The following WDHD1 variants were observed in gnomAD, a reference collection of about 807,000 sequenced individuals.
WDHD1 encodes WD repeat and HMG-box DNA-binding protein 1.
Under a neutral mutation model 135.4 loss-of-function variants are expected in WDHD1, and 111 were observed. The ratio of observed to expected loss-of-function variants is 0.82; its 90% CI spans 0.70 to 0.96. WDHD1 has a LOEUF of 0.96. Among genes scored for constraint, WDHD1 ranks in the 40% least tolerant of loss-of-function variants. The pLI, the probability that WDHD1 is intolerant of heterozygous loss-of-function variation, is 0.00. For synonymous variants in WDHD1, 434 were observed against 439.0 expected (o/e 0.99, Z 0.14); for missense variants, 1,351 against 1,336.3 (o/e 1.01, Z -0.17).
At chr14:54,969,450 A>G (rs2041397630) in intron 16 of WDHD1, among the ~76,000 whole-genome samples, 2 of 152,200 alleles carry the variant, frequency 1.3e-5, no homozygotes, top group Non-Finnish European at 1.5e-5. Context: ...ACTTCTGCAC[A>G]GCAAAGAAAA....
At chr14:54,945,999 A>C (rs2040918412) in intron 24 of WDHD1, among the ~76,000 whole-genome samples, 1 of 150,028 alleles carries the variant, frequency 6.7e-6, no homozygotes, top group African/African-American at 2.5e-5. Context: ...AAAATATGCA[A>C]ATTTTAAGTA....
intron 12 of WDHD1, among the ~76,000 whole-genome samples, chr14:54,989,773 C>T (rs529882276): frequency 6.6e-6 from 1 of 152,158 alleles, no homozygotes; most frequent in South Asian, 2.1e-4. Flanking sequence ...GATTCTCCTC[C>T]CTCAGCCTCC....
At chr14:54,970,541 C>T (rs1446335237) in intron 16 of WDHD1, among the ~76,000 whole-genome samples, 4 of 150,730 alleles carry the variant, frequency 2.7e-5, no homozygotes, top group Non-Finnish European at 5.9e-5. Flanking sequence ...ATTCCACACT[C>T]ATGGATTAGA....
At position 54,957,075 on chromosome 14, in the gene WDHD1, G is replaced by A. The variant is rs754891618; in HGVS notation, c.2875C>T (p.Pro959Ser). 3.1e-6 allele frequency: 5 copies of A among 1,613,954 alleles called. No homozygotes were observed. In the Admixed American group the frequency reaches 6.7e-5, roughly 22 times the overall value. ...LSRTTNNEKS[P>S]IIKPLIPKPK... ...TTTGGAATCAGAGGCTTTATAATGG[G>A]AGACTTTTCATTATTTGTAGTTCGA... is the stretch of plus-strand genomic sequence containing the variant. Residue 959 changes from proline (P) to serine (S), a missense_variant, in exon 23 of 26, where the codon CCC becomes TCC. By Grantham distance (74) the Pro-to-Ser change is moderately conservative (BLOSUM62 -1). Coordinates refer to ENST00000360586, the MANE Select transcript of WDHD1 (RefSeq NM_007086.4).
chr14:55,025,211 T>C lies in WDHD1; in HGVS notation c.77+1500A>G, dbSNP rs188135338. Reference sequence around the variant, plus strand: ...TATCTAAAAGCACAGCGCTTAATCCTTTACATTGTCTATGATGCAAAGACC... The same window carrying C: ...TATCTAAAAGCACAGCGCTTAATCCCTTACATTGTCTATGATGCAAAGACC... On this transcript the variant is annotated intron_variant, in intron 2 of 25. Transcript: ENST00000360586. 8.1e-4 allele frequency among the ~76,000 whole-genome samples: 120 copies of C among 147,594 alleles called. 1 individual carries two copies. The East Asian group carries it at 0.021, about 25-fold the overall frequency.
intron 16 of WDHD1, among the ~76,000 whole-genome samples, chr14:54,975,922 G>T (rs1164534713): frequency 6.6e-6 from 1 of 152,080 alleles, no homozygotes; most frequent in Non-Finnish European, 1.5e-5. Context: ...CACTGAGTTG[G>T]GTTAGAAAAT....
At chr14:55,002,671 T>A (rs2041996787) in intron 7 of WDHD1, among the ~76,000 whole-genome samples, 1 of 152,110 alleles carries the variant, frequency 6.6e-6, no homozygotes. Context: ...AGTGGTGTGA[T>A]CACAGCTTAC....
chr14:54,955,107 A>G (rs1404804923), intron 24 of WDHD1, among the ~76,000 whole-genome samples: 1 of 152,242 alleles, frequency 6.6e-6, no homozygotes, highest in East Asian at 1.9e-4. Flanking sequence ...AAGGTACAGA[A>G]TAATGTGTAA....
At chr14:54,958,973 C>G (rs980880645) in intron 21 of WDHD1, among the ~76,000 whole-genome samples, 1 of 152,198 alleles carries the variant, frequency 6.6e-6, no homozygotes, top group Non-Finnish European at 1.5e-5. Context: ...TACAGTAATT[C>G]ATCATCTTCC....
chr14:54,974,233 G>A (rs1424477400), intron 16 of WDHD1, among the ~76,000 whole-genome samples: 1 of 151,894 alleles, frequency 6.6e-6, no homozygotes, highest in African/African-American at 2.4e-5. Flanking sequence ...ACCAGCTCGG[G>A]CTACATAGCA....
chr14:54,943,098 C>T (rs1193187103), intron 25 of WDHD1, among the ~76,000 whole-genome samples: 2 of 152,174 alleles, frequency 1.3e-5, no homozygotes, highest in East Asian at 1.9e-4. Context: ...GCCTGTGCTG[C>T]GCCCTGCCAT....
intron 24 of WDHD1, among the ~76,000 whole-genome samples, chr14:54,952,506 CG>C (rs977362531): frequency 6.6e-6 from 1 of 152,156 alleles, no homozygotes; most frequent in Non-Finnish European, 1.5e-5. Flanking sequence ...CACAAACAAA[CG>C]GAAGAACATT....
chr14:55,005,340 A>G, intron 7 of WDHD1: 1 of 559,346 alleles, frequency 1.8e-6, no homozygotes, highest in Non-Finnish European at 3.5e-6. Flanking sequence ...TGTGGCTCCT[A>G]AAAGGCTGCC....
intron 2 of WDHD1, among the ~76,000 whole-genome samples, chr14:55,015,116 T>C (rs1173669508): frequency 6.6e-6 from 1 of 152,174 alleles, no homozygotes; most frequent in East Asian, 1.9e-4. Flanking sequence ...TGTGTCCAAC[T>C]GGCCTGGCAT....
intron 24 of WDHD1, among the ~76,000 whole-genome samples, chr14:54,944,764 C>T (rs1466225083): frequency 6.6e-6 from 1 of 151,970 alleles, no homozygotes; most frequent in Non-Finnish European, 1.5e-5. Flanking sequence ...GGATTACAGG[C>T]ATGCGCCACC....
intron 16 of WDHD1, among the ~76,000 whole-genome samples, chr14:54,971,081 T>C (rs566912543): frequency 3.5e-4 from 53 of 152,216 alleles, no homozygotes; most frequent in Non-Finnish European, 1.0e-4. Flanking sequence ...TGTGCAAAAA[T>C]TAACTCAAGA....
intron 16 of WDHD1, among the ~76,000 whole-genome samples, chr14:54,977,949 G>C (rs1419974110): frequency 6.7e-6 from 1 of 149,500 alleles, no homozygotes; most frequent in East Asian, 1.9e-4. Context: ...AAAAAAGCCA[G>C]CTGGATAAAT....
At chr14:55,015,585 T>C (rs1260348401) in intron 2 of WDHD1, among the ~76,000 whole-genome samples, 1 of 152,014 alleles carries the variant, frequency 6.6e-6, no homozygotes, top group Non-Finnish European at 1.5e-5. Context: ...GGGGACAACA[T>C]GTGAGGCATT....
At chr14:54,944,950 C>T (rs1168830151) in intron 24 of WDHD1, among the ~76,000 whole-genome samples, 1 of 152,148 alleles carries the variant, frequency 6.6e-6, no homozygotes, top group Non-Finnish European at 1.5e-5. Flanking sequence ...GATCAATGAA[C>T]TGGAAAATCC....
Sources: gnomAD v4.1 joint callset for allele counts (sites outside exome capture counted in the v4.1 genomes callset) on GRCh38, gnomAD v4.1.1 for gene constraint, MANE v1.5 for transcripts, NCBI Gene and HGNC (gene_info 2026-07-23, HGNC 2026-07-21) for gene names.